Variants in SLC30A2 observed in about 807,000 individuals in gnomAD.
SLC30A2 encodes the protein solute carrier family 30 member 2, also known as proton-coupled zinc antiporter SLC30A2.
A neutral mutation model predicts 39.6 loss-of-function variants in SLC30A2; 19 were observed. The ratio of observed to expected loss-of-function variants is 0.48; its 90% confidence interval spans 0.34 to 0.70. The LOEUF is 0.70. Ranked by LOEUF, SLC30A2 falls within the 30% of genes least tolerant of loss-of-function variation. The probability of loss-of-function intolerance (pLI) is 0.01; values close to 1 mark genes in which losing one functional copy is unlikely to be tolerated. For missense variants in SLC30A2, 387 were observed against 479.4 expected (o/e 0.81, Z 1.80); for synonymous variants, 195 against 194.8 (o/e 1.00, Z -0.01).
intron 1 of SLC30A2, chr1:26,045,422 G>T: frequency 1.6e-6 from 1 of 609,014 alleles, no homozygotes; most frequent in East Asian, 2.7e-5. Context: ...CCCTTCAGAG[G>T]CCAGAGGAGG....
chr1:26,044,707 T>C (rs1350627184), intron 2 of SLC30A2, among the ~76,000 whole-genome samples: 3 of 152,214 alleles, frequency 2.0e-5, no homozygotes, highest in African/African-American at 4.8e-5. Context: ...AGATACTCAG[T>C]AAATGCTCTT....
intron 1 of SLC30A2, 118 bp downstream of exon 1, chr1:26,045,729 C>A (rs1452493386): frequency 2.0e-6 from 3 of 1,515,550 alleles, no homozygotes; most frequent in East Asian, 2.4e-5. Flanking sequence ...CTCACCCCAC[C>A]CCTCCTGCAT....
Position 26,045,919 on chromosome 1 carries a change from C to A in SLC30A2, c.-23G>T, listed in dbSNP as rs372464579. ...CATGCAGTCCCGCGCCGAGTCCCGG[C>A]AGCCGCGCAGCCGCCCCGCCGAGTG... On this transcript the variant is annotated 5_prime_UTR_variant, in exon 1 of 8. Coordinates refer to ENST00000374276, the MANE Select transcript of SLC30A2 (RefSeq NM_001004434.3). 2 of 1,606,318 alleles carry A rather than the reference C, an allele frequency of 1.2e-6. No homozygotes were observed. The highest frequency in any genetic ancestry group is 2.2e-5 in the South Asian group (2 of 90,972).
chr1:26,041,629 CACAT>C, intron 6 of SLC30A2, 67 bp downstream of exon 6: 1 of 914,994 alleles, frequency 1.1e-6, no homozygotes. Context: ...CCCAGACACA[CACAT>C]ACCCTATTTG....
At position 26,044,515 on chromosome 1, in the gene SLC30A2, A is replaced by T. The variant is rs1183100585; in HGVS notation, c.272-71T>A. ...CCAAGACTGTGTGTGCAGCAGGGAG[A>T]CCACAGGCTCTGGAAGAGGACATTC... On this transcript the variant is annotated intron_variant, in intron 2 of 7. Transcript: ENST00000374276. 3 of 1,470,896 alleles carry T rather than the reference A, an allele frequency of 2.0e-6. No homozygotes were observed. In the East Asian group the frequency reaches 7.0e-5, roughly 34 times the overall value. The allele number at this position is 1,470,896 out of a possible 1,614,324, so 91.1% of individuals were successfully genotyped here. A position where few individuals can be genotyped will look rare whatever the true frequency, so the allele number is the denominator to read the frequency against.
At position 26,045,991 on chromosome 1, in the gene SLC30A2, G is replaced by C; in HGVS notation, c.-95C>G. On this transcript the variant is annotated 5_prime_UTR_variant, in exon 1 of 8. Coordinates refer to ENST00000374276, the MANE Select transcript of SLC30A2 (RefSeq NM_001004434.3). ...GACTCCGGGTGGCGCTCACCCACCT[G>C]CCCCGAGGGCCCCGCGAGGTGCGCT... 4.6e-6 allele frequency: 7 copies of C among 1,516,462 alleles called. No homozygotes were observed. Among genetic ancestry groups the C allele is most frequent in the Non-Finnish European group, 6.1e-6 (7 of 1,141,798 alleles). 93.9% of individuals were successfully genotyped at this position (1,516,462 alleles called of 1,614,324 possible).
chr1:26,041,513 C>T (rs563518420), intron 6 of SLC30A2, among the ~76,000 whole-genome samples, 187 bp downstream of exon 6: 4 of 152,190 alleles, frequency 2.6e-5, no homozygotes, highest in African/African-American at 9.7e-5. Flanking sequence ...AACTGCCACA[C>T]CTGAAAGCCC....
At chr1:26,044,924 T>C in intron 2 of SLC30A2, 73 bp downstream of exon 2, 1 of 1,234,410 alleles carries the variant, frequency 8.1e-7, no homozygotes, top group Non-Finnish European at 1.2e-6. Context: ...TTGGGGCTTT[T>C]AGTGTCAGTA....
In SLC30A2 at chr1:26,041,764, G is replaced by A. The variant is rs1049692403; in HGVS notation, c.774C>T (p.Phe258=). Residue 258 remains phenylalanine, a synonymous_variant, in exon 6 of 8, where the codon TTC becomes TTT. Transcript: ENST00000374276. ...AGGTTGTCCCCAGGACCAGGATGGA[G>A]AAGACGAAGGTGCAGATGGGGTCTA... is the stretch of plus-strand genomic sequence containing the variant. ...KYVDPICTFV[F]SILVLGTTLT... is the part of the protein sequence containing the mutation. The A allele has an allele frequency of 1.9e-6, 3 of 1,613,852 alleles. No individual in the cohort carries two copies. The highest frequency in any genetic ancestry group is 2.5e-6 in the Non-Finnish European group (3 of 1,179,710).
intron 6 of SLC30A2, 114 bp from the exon 7 acceptor site, chr1:26,040,025 T>TGAG: frequency 1.7e-6 from 2 of 1,196,926 alleles, no homozygotes; most frequent in Non-Finnish European, 2.4e-6. Context: ...AAGACCTCTT[T>TGAG]GGCCTGCAGG....
intron 1 of SLC30A2, chr1:26,045,511 A>T: frequency 1.7e-6 from 1 of 587,394 alleles, no homozygotes; most frequent in East Asian, 2.9e-5. Context: ...CTCTGGGAGA[A>T]CAGCAGGCCC....
chr1:26,043,654 T>G (rs2050425997), intron 3 of SLC30A2, 103 bp from the exon 4 acceptor site: 3 of 1,269,870 alleles, frequency 2.4e-6, no homozygotes, highest in Non-Finnish European at 3.3e-6. Flanking sequence ...CCACACAAAG[T>G]CAGGGCCTGG....
intron 6 of SLC30A2, among the ~76,000 whole-genome samples, chr1:26,040,920 C>G (rs911659054): frequency 6.6e-5 from 10 of 150,942 alleles, no homozygotes; most frequent in African/African-American, 2.2e-4. Flanking sequence ...AGTGAGACCC[C>G]CCCCCCATCT....
Position 26,039,251 on chromosome 1 carries a change from C to A in SLC30A2, c.1028G>T (p.Gly343Val), listed in dbSNP as rs2050372191. The A allele has an allele frequency of 6.2e-7, 1 of 1,613,978 alleles. No homozygotes were observed. The highest frequency in any genetic ancestry group is 8.5e-7 in the Non-Finnish European group (1 of 1,180,000). ...VLKTASSRLQ[G>V]KFHFHTVTIQ... is the part of the protein sequence containing the mutation. ...GGTCACGGTGTGGAAGTGGAACTTC[C>A]CTTGGAGGCGGCTGCTGGCTGTCTT... Residue 343 changes from glycine to valine, a missense_variant, in exon 8 of 8, where the codon GGG becomes GTG. By Grantham distance (109) the Gly-to-Val change is moderately radical. Coordinates refer to ENST00000374276, the MANE Select transcript of SLC30A2 (RefSeq NM_001004434.3). This position sits in a 1 kb window ranked among gnomAD's most constrained non-coding sequence, Gnocchi z 4.3.
intron 3 of SLC30A2, 98 bp downstream of exon 3, chr1:26,044,200 G>A (rs1569706478): frequency 7.8e-7 from 1 of 1,285,874 alleles, no homozygotes; most frequent in South Asian, 1.3e-5. Context: ...CTCACTCAGG[G>A]GAGGAAGGGG....
At chr1:26,041,407 T>C (rs1352495819) in intron 6 of SLC30A2, among the ~76,000 whole-genome samples, 2 of 152,148 alleles carry the variant, frequency 1.3e-5, no homozygotes, top group African/African-American at 4.8e-5. Context: ...GAGCTCCAGA[T>C]GCTACAGATG....
intron 6 of SLC30A2, among the ~76,000 whole-genome samples, chr1:26,041,477 G>A (rs1176510703): frequency 4.6e-5 from 7 of 152,194 alleles, no homozygotes; most frequent in South Asian, 2.1e-4. Context: ...GGGAAGGGAA[G>A]ACTCGGGCTG....
At chr1:26,042,426 C>T in intron 5 of SLC30A2, 123 bp downstream of exon 5, 2 of 872,480 alleles carry the variant, frequency 2.3e-6, no homozygotes, top group Non-Finnish European at 3.6e-6. Flanking sequence ...TTCCTTTCCT[C>T]TCCCCACCCT....
Position 26,041,808 on chromosome 1 carries a change from G to T in SLC30A2, c.733-3C>A. ...GGGTCTACATACTTGTATTCTGGCT[G>T]CAGGAAGACAGGAAGGCAGACCTGG... On this transcript the variant is annotated splice_region_variant and splice_polypyrimidine_tract_variant and intron_variant, in intron 5 of 7. Coordinates refer to ENST00000374276, the MANE Select transcript of SLC30A2 (RefSeq NM_001004434.3). The T allele has an allele frequency of 6.3e-7, 1 of 1,589,770 alleles. No individual in the cohort carries two copies. The highest frequency in any genetic ancestry group is 8.6e-7 in the Non-Finnish European group (1 of 1,158,184).
Sources: allele counts gnomAD v4.1 joint callset (sites outside exome capture counted in the v4.1 genomes callset), GRCh38; gene constraint gnomAD v4.1.1; non-coding constraint Gnocchi (gnomAD v3.1); transcripts MANE v1.5; gene names NCBI Gene and HGNC (gene_info 2026-07-23, HGNC 2026-07-21).